SDHA: variants seen among roughly 807,000 people sequenced by gnomAD.
SDHA encodes the protein succinate dehydrogenase complex flavoprotein subunit A, also known as succinate dehydrogenase [ubiquinone] flavoprotein subunit, mitochondrial.
In SDHA, 48 loss-of-function variants were observed where a neutral mutation model predicts 78.4. That is an observed-to-expected ratio of 0.61 (90% CI 0.49 to 0.78). The LOEUF (loss-of-function observed/expected upper bound fraction) is 0.78. Among genes scored for constraint, SDHA ranks in the 30% least tolerant of loss-of-function variants. The probability of loss-of-function intolerance (pLI) is 0.00; values close to 1 mark genes in which losing one functional copy is unlikely to be tolerated. For missense variants in SDHA, 680 were observed against 892.7 expected (o/e 0.76, Z 3.04); for synonymous variants, 326 against 353.9 (o/e 0.92, Z 0.88).
chr5:236,712 A>C, intron 10 of SDHA, 113 bp downstream of exon 10: 1 of 1,052,572 alleles, frequency 9.5e-7, no homozygotes, highest in Non-Finnish European at 1.4e-6. Flanking sequence ...TGGCACAGTC[A>C]TAGCAGCCTC....
At chr5:229,556 C>T (rs1735250417) in intron 6 of SDHA, among the ~76,000 whole-genome samples, 1 of 152,346 alleles carries the variant, frequency 6.6e-6, no homozygotes, top group South Asian at 2.1e-4. Flanking sequence ...TCACAACTCA[C>T]AGAAACAGAG....
At chr5:242,524 C>T (rs917407113) in intron 11 of SDHA, among the ~76,000 whole-genome samples, 26 of 152,182 alleles carry the variant, frequency 1.7e-4, no homozygotes, top group African/African-American at 6.0e-4. Flanking sequence ...AATCTCTGTT[C>T]AAGGCTCTCA....
At chr5:244,435 G>A (rs150682605) in intron 11 of SDHA, among the ~76,000 whole-genome samples, 35,693 of 151,360 alleles carry the variant, frequency 0.24, 6,232 homozygotes, top group African/African-American at 0.51. Flanking sequence ...CCAGGAGAGT[G>A]CATAGCACAG....
rs754805626 is a variant in SDHA, at chr5:236,439, C to T, written c.1272C>T (p.His424=). ...PTNYKGQVLR[H]VNGQDQIVPG... is the part of the protein sequence containing the mutation. ...CTTCCTTTCCACAGGTCCTGAGGCA[C>T]GTGAATGGCCAGGATCAGATTGTGC... Residue 424 remains histidine (H), a synonymous_variant, in exon 10 of 15, where the codon CAC becomes CAT. Coordinates refer to ENST00000264932, the MANE Select transcript of SDHA (RefSeq NM_004168.4). 15 of 1,613,832 alleles carry T rather than the reference C, an allele frequency of 9.3e-6. No homozygotes were observed. Among genetic ancestry groups the T allele is most frequent in the Middle Eastern group, 3.3e-4 (2 of 6,042 alleles).
intron 11 of SDHA, among the ~76,000 whole-genome samples, chr5:246,824 T>C (rs1034307730): frequency 1.3e-5 from 2 of 152,244 alleles, no homozygotes; most frequent in African/African-American, 2.4e-5. Context: ...ATTGCTACTA[T>C]GATAGGAAAT....
At chr5:262,643 G>C in the SDHA span, among the ~76,000 whole-genome samples, 2 of 152,240 alleles carry the variant, frequency 1.3e-5, 1 homozygote, top group Non-Finnish European at 2.9e-5. Flanking sequence ...CCAGTCCCTG[G>C]TGCCAACAAG....
Position 256,344 on chromosome 5 carries a change from A to G in SDHA, c.1919A>G (p.Glu640Gly), listed in dbSNP as rs372480044. 7.7e-5 allele frequency: 124 copies of G among 1,613,294 alleles called. 1 individual carries two copies. The African/African-American group carries it at 1.4e-3, about 19-fold the overall frequency. ...ACTCTTCTTTTCAAGGTCACTCTGG[A>G]ATATAGACCCGTGATCGACAAAACT... Reference protein sequence around the residue: ...VDVGTGKVTLEYRPVIDKTLN... With the variant: ...VDVGTGKVTLGYRPVIDKTLN... Residue 640 changes from glutamate to glycine, a missense_variant, in exon 15 of 15, where the codon GAA becomes GGA. Coordinates refer to ENST00000264932, the MANE Select transcript of SDHA (RefSeq NM_004168.4).
chr5:233,610 G>A lies in SDHA; in HGVS notation c.1029G>A (p.Val343=). 2 of 1,614,158 alleles carry A rather than the reference G, an allele frequency of 1.2e-6. No homozygotes were observed. Among genetic ancestry groups the A allele is most frequent in the Non-Finnish European group, 1.7e-6 (2 of 1,180,008 alleles). The change falls in exon 8 of 15, where the codon GTG becomes GTA. Residue 343 remains valine, a synonymous_variant. Coordinates refer to ENST00000264932, the MANE Select transcript of SDHA (RefSeq NM_004168.4). The stretch of plus-strand genomic sequence containing the variant: ...AGGACCTGGCGTCTAGAGATGTGGT[G>A]TCTCGGTCCATGACTCTGGAGATCC... ...VAKDLASRDV[V]SRSMTLEIRE...
intron 8 of SDHA, chr5:234,900 C>G (rs929246849): frequency 2.5e-5 from 14 of 560,620 alleles, no homozygotes; most frequent in African/African-American, 2.3e-4. Flanking sequence ...ATCCCTGAGA[C>G]GAGCGTGAGT....
chr5:242,171 C>CA (rs994863853), intron 11 of SDHA, among the ~76,000 whole-genome samples: 4 of 151,416 alleles, frequency 2.6e-5, no homozygotes, highest in African/African-American at 7.3e-5. Context: ...TAGTAAGAAG[C>CA]AAAAAAAAGA....
chr5:220,253 C>T (rs377752287), intron 1 of SDHA: 7 of 451,496 alleles, frequency 1.6e-5, no homozygotes, highest in East Asian at 1.4e-4. Context: ...ACTGACACAG[C>T]TTGCAAACTG....
chr5:265,770 A>G, the SDHA span, among the ~76,000 whole-genome samples: 3 of 152,004 alleles, frequency 2.0e-5, no homozygotes, highest in African/African-American at 7.3e-5. Flanking sequence ...CAGTGAGCCA[A>G]GAGTGCGCCA....
At chr5:267,416 C>T in the SDHA span, among the ~76,000 whole-genome samples, 1 of 152,210 alleles carries the variant, frequency 6.6e-6, no homozygotes, top group African/African-American at 2.4e-5. Context: ...AAAGTGGCTT[C>T]AGATGGATGC....
At chr5:243,952 T>G (rs1736291043) in intron 11 of SDHA, among the ~76,000 whole-genome samples, 1 of 152,078 alleles carries the variant, frequency 6.6e-6, no homozygotes, top group South Asian at 2.1e-4. Context: ...TAGAAAAAAA[T>G]CAGTGAGTGA....
At chr5:250,103 T>C (rs1430108523) in intron 11 of SDHA, 1 of 152,252 alleles carries the variant, frequency 6.6e-6, no homozygotes, top group Non-Finnish European at 1.5e-5. Flanking sequence ...AATGTAATAC[T>C]AGATTCTGAG....
intron 10 of SDHA, among the ~76,000 whole-genome samples, chr5:238,976 AAG>A (rs778110681): frequency 2.0e-5 from 3 of 151,720 alleles, no homozygotes; most frequent in East Asian, 3.9e-4. Flanking sequence ...AAAAAAGAAA[AAG>A]TAAATTGTAG....
At chr5:234,700 A>T in intron 8 of SDHA, 2 of 222,736 alleles carry the variant, frequency 9.0e-6, no homozygotes, top group East Asian at 2.0e-4. Context: ...GGATGATTTA[A>T]AGTATAGAGG....
intron 8 of SDHA, 46 bp downstream of exon 8, chr5:233,691 C>G (rs373781887): frequency 6.2e-7 from 1 of 1,603,724 alleles, no homozygotes; most frequent in Non-Finnish European, 8.5e-7. Flanking sequence ...GCACACGGGC[C>G]GGGGTTGCTT....
At chr5:240,123 A>C (rs1269722624) in intron 10 of SDHA, among the ~76,000 whole-genome samples, 2 of 152,152 alleles carry the variant, frequency 1.3e-5, no homozygotes, top group African/African-American at 4.8e-5. Context: ...CTCTAAGATC[A>C]CTTAATGGAT....
Sources: allele counts gnomAD v4.1 joint callset (sites outside exome capture counted in the v4.1 genomes callset), GRCh38; gene constraint gnomAD v4.1.1; transcripts MANE v1.5; gene names NCBI Gene and HGNC (gene_info 2026-07-23, HGNC 2026-07-21).